The following PAX5 variants were observed in gnomAD, a reference collection of about 807,000 sequenced individuals.
PAX5 encodes paired box protein Pax-5.
A neutral mutation model predicts 43.7 loss-of-function variants in PAX5; 9 were observed. The observed-to-expected ratio is 0.21, with a 90% confidence interval of 0.12 to 0.36. The LOEUF is 0.36. Among genes scored for constraint, PAX5 ranks in the 10% least tolerant of loss-of-function variants. The probability of loss-of-function intolerance (pLI) is 1.00; values close to 1 mark genes in which losing one functional copy is unlikely to be tolerated. For missense variants in PAX5, 383 were observed against 532.7 expected (o/e 0.72, Z 2.77); for synonymous variants, 228 against 214.3 (o/e 1.06, Z -0.56).
At chr9:36,841,941 C>T (rs1356185035) in intron 9 of PAX5, among the ~76,000 whole-genome samples, 1 of 152,142 alleles carries the variant, frequency 6.6e-6, no homozygotes, top group African/African-American at 2.4e-5. Flanking sequence ...TAACTGGGGG[C>T]TGAGTCCTGG....
chr9:36,882,267 TAC>T lies in PAX5; in HGVS notation c.911-164_911-163del, dbSNP rs10650417. ...GCTCACACGCTCTCACAAACACACA[TAC>T]ACACACACACACACACACACACACA... On this transcript the variant is annotated intron_variant, in intron 7 of 9. Coordinates refer to ENST00000358127, the MANE Select transcript of PAX5 (RefSeq NM_016734.3). This position sits in a 1 kb window ranked among gnomAD's most constrained non-coding sequence, Gnocchi z 4.4. Among the ~76,000 whole-genome samples, 31,326 of 145,754 alleles carry T rather than the reference TAC, an allele frequency of 0.21. 3,249 individuals carry two copies. The highest frequency in any genetic ancestry group is 0.22 in the African/African-American group (8,928 of 40,202).
chr9:36,891,876 G>A (rs1477575045), intron 7 of PAX5, among the ~76,000 whole-genome samples: 1 of 152,162 alleles, frequency 6.6e-6, no homozygotes, highest in Non-Finnish European at 1.5e-5. Flanking sequence ...CCACTAACCA[G>A]GGAGCTGTTT....
chr9:36,842,640 T>G (rs1449372619), intron 9 of PAX5, among the ~76,000 whole-genome samples: 1 of 152,210 alleles, frequency 6.6e-6, no homozygotes, highest in Non-Finnish European at 1.5e-5. Flanking sequence ...TCATTTTTCC[T>G]CTCTAATTCA....
intron 7 of PAX5, among the ~76,000 whole-genome samples, chr9:36,909,077 A>G (rs1829042960): frequency 1.3e-5 from 2 of 152,224 alleles, no homozygotes; most frequent in African/African-American, 4.8e-5. Context: ...GGCACCTCTG[A>G]ACCTCTGAGT....
intron 6 of PAX5, among the ~76,000 whole-genome samples, chr9:36,964,002 C>T (rs1286562385): frequency 3.3e-5 from 5 of 152,236 alleles, no homozygotes; most frequent in Non-Finnish European, 5.9e-5. Flanking sequence ...ACTTTCTGGC[C>T]GGGTGCAGTG....
chr9:37,033,565 A>G (rs140528413), intron 1 of PAX5, among the ~76,000 whole-genome samples: 1 of 151,206 alleles, frequency 6.6e-6, no homozygotes, highest in Non-Finnish European at 1.5e-5. Flanking sequence ...GTACTAACTT[A>G]TAAACACACA....
chr9:36,843,002 G>A (rs554697063), intron 9 of PAX5, among the ~76,000 whole-genome samples: 1 of 152,276 alleles, frequency 6.6e-6, no homozygotes, highest in Non-Finnish European at 1.5e-5. Context: ...GTGGGGATGT[G>A]AGCATGTGTC....
rs1237256312 is a variant in PAX5 at position 37,014,845 on chromosome 9, A to G, written c.410+152T>C. On this transcript the variant is annotated intron_variant, in intron 3 of 9. Transcript: ENST00000358127. The stretch of plus-strand genomic sequence containing the variant: ...AAGAAGAGAAGGGTAACAGAGACCG[A>G]GCAGGCCCCATTAGCATCCCTCCTG... 5 of 726,746 alleles carry G rather than the reference A, an allele frequency of 6.9e-6. No individual in the cohort carries two copies. The Admixed American group carries it at 1.2e-4, about 17-fold the overall frequency. The allele number at this position is 726,746 out of a possible 1,614,324, so 45.0% of individuals were successfully genotyped here.
chr9:36,880,874 G>A (rs1404839069), intron 8 of PAX5, among the ~76,000 whole-genome samples: 4 of 152,178 alleles, frequency 2.6e-5, no homozygotes, highest in African/African-American at 7.2e-5. Flanking sequence ...CACTGTGCCC[G>A]GCCCAGTCTG....
At chr9:37,020,880 C>G in intron 1 of PAX5, 79 bp from the exon 2 acceptor site, 1 of 1,478,932 alleles carries the variant, frequency 6.8e-7, no homozygotes, top group Non-Finnish European at 9.3e-7. Context: ...CTGTGAGGAC[C>G]CAGAGCCCCT....
chr9:36,868,307 G>A (rs1384703029), intron 8 of PAX5, among the ~76,000 whole-genome samples: 1 of 152,214 alleles, frequency 6.6e-6, no homozygotes, highest in Non-Finnish European at 1.5e-5. Context: ...CACAGCTACT[G>A]AGCACCTACT....
intron 6 of PAX5, among the ~76,000 whole-genome samples, chr9:36,963,294 C>T (rs58842186): frequency 0.01 from 1,581 of 152,298 alleles, 25 homozygotes; most frequent in African/African-American, 0.035. Flanking sequence ...ACTGGAGATG[C>T]TGAGTCCTCA....
chr9:36,953,765 T>C (rs7859560), intron 6 of PAX5, among the ~76,000 whole-genome samples: 2 of 152,230 alleles, frequency 1.3e-5, no homozygotes, highest in Non-Finnish European at 2.9e-5. Context: ...ACATATTAAT[T>C]ATAGTCATTT....
rs1554677049 is a variant in PAX5 at position 36,981,442 on chromosome 9, A to AAAAAC, written c.605-14719_605-14718insGTTTT. Among the ~76,000 whole-genome samples, 16 of 150,096 alleles carry AAAAAC rather than the reference A, an allele frequency of 1.1e-4. 1 individual carries two copies. In the East Asian group the frequency reaches 2.9e-3, roughly 27 times the overall value. ...AATTTCACTGAAACTGGCAAAAAAA[A>AAAAAC]AAAAACAAAAAACAGGTACAAAGGA... On this transcript the variant is annotated intron_variant, in intron 5 of 9. Transcript: ENST00000358127.
At chr9:36,921,669 T>C (rs1479800774) in intron 7 of PAX5, among the ~76,000 whole-genome samples, 1 of 152,226 alleles carries the variant, frequency 6.6e-6, no homozygotes, top group Non-Finnish European at 1.5e-5. Flanking sequence ...CTCAGTGAAG[T>C]GCCAGTTTCT....
At chr9:36,994,554 T>C (rs192856324) in intron 5 of PAX5, among the ~76,000 whole-genome samples, 15 of 152,314 alleles carry the variant, frequency 9.8e-5, no homozygotes, top group African/African-American at 3.4e-4. Context: ...TCCCATTAGC[T>C]TCAGCTGCCA....
chr9:36,956,092 C>T (rs142285870), intron 6 of PAX5, among the ~76,000 whole-genome samples: 46 of 152,178 alleles, frequency 3.0e-4, no homozygotes, highest in African/African-American at 1.1e-3. Context: ...ATTGGATAGC[C>T]TTGTTTGAGG....
intron 6 of PAX5, among the ~76,000 whole-genome samples, chr9:36,950,032 G>A (rs3780163): frequency 0.27 from 41,671 of 152,080 alleles, 6,288 homozygotes; most frequent in Non-Finnish European, 0.34. Context: ...AGATAGGACC[G>A]TTATTAACCT....
intron 5 of PAX5, among the ~76,000 whole-genome samples, chr9:36,994,354 C>T (rs1837207903): frequency 6.6e-6 from 1 of 152,332 alleles, no homozygotes; most frequent in Middle Eastern, 3.4e-3. Context: ...GCCCTCTGTG[C>T]CTGGACTACC....
Sources: gnomAD v4.1 joint callset for allele counts (sites outside exome capture counted in the v4.1 genomes callset) on GRCh38, gnomAD v4.1.1 for gene constraint, Gnocchi (gnomAD v3.1) non-coding constraint, MANE v1.5 for transcripts, NCBI Gene and HGNC (gene_info 2026-07-23, HGNC 2026-07-21) for gene names.